The following DENND2B variants were observed in gnomAD, a reference collection of about 807,000 sequenced individuals.
DENND2B encodes the protein DENN domain-containing protein 2B.
In DENND2B, 32 loss-of-function variants were observed where a neutral mutation model predicts 116.0. That is an observed-to-expected ratio of 0.28 (90% CI 0.21 to 0.37). The LOEUF is 0.37. Among genes scored for constraint, DENND2B ranks in the 10% least tolerant of loss-of-function variants. The pLI, the probability that DENND2B is intolerant of heterozygous loss-of-function variation, is 1.00. For synonymous variants in DENND2B, 588 were observed against 583.9 expected (o/e 1.01, Z -0.10); for missense variants, 1,276 against 1,477.7 (o/e 0.86, Z 2.24).
At chr11:8,722,935 T>G (rs2046436174) in intron 4 of DENND2B, among the ~76,000 whole-genome samples, 2 of 152,158 alleles carry the variant, frequency 1.3e-5, no homozygotes, top group Admixed American at 1.3e-4. Context: ...TACCTCTACC[T>G]TCTGCCCACA....
At chr11:8,714,349 A>C (rs907339335) in intron 7 of DENND2B, among the ~76,000 whole-genome samples, 2 of 152,226 alleles carry the variant, frequency 1.3e-5, no homozygotes, top group Admixed American at 1.3e-4. Context: ...CAAGATTTGA[A>C]ATGGGAAACA....
chr11:8,818,960 T>C (rs2061670470), intron 4 of DENND2B, among the ~76,000 whole-genome samples: 2 of 152,158 alleles, frequency 1.3e-5, no homozygotes, highest in South Asian at 4.1e-4. Flanking sequence ...TTTTTTTAAG[T>C]TTTTAATACT....
At chr11:8,733,265 G>T (rs182252698) in intron 2 of DENND2B, among the ~76,000 whole-genome samples, 35 of 152,266 alleles carry the variant, frequency 2.3e-4, no homozygotes, top group Non-Finnish European at 4.4e-4. Flanking sequence ...GGAGGCCTTA[G>T]GTCTCTCTTA....
At chr11:8,859,111 T>C (rs1343913946) in intron 2 of DENND2B, among the ~76,000 whole-genome samples, 1 of 152,204 alleles carries the variant, frequency 6.6e-6, no homozygotes, top group African/African-American at 2.4e-5. Flanking sequence ...CTAAACCTTG[T>C]CTGGGGCTCC....
intron 3 of DENND2B, among the ~76,000 whole-genome samples, chr11:8,851,114 A>G (rs992874221): frequency 6.6e-6 from 1 of 152,192 alleles, no homozygotes; most frequent in Admixed American, 6.5e-5. Flanking sequence ...TCTACTGCAC[A>G]TCATGGCAAC....
intron 2 of DENND2B, among the ~76,000 whole-genome samples, chr11:8,745,777 A>G (rs532354807): frequency 6.6e-6 from 1 of 152,298 alleles, no homozygotes; most frequent in Non-Finnish European, 1.5e-5. Context: ...GCATGCTGCC[A>G]AGTGTGGAGG....
intron 2 of DENND2B, among the ~76,000 whole-genome samples, chr11:8,877,772 C>CA (rs1288965939): frequency 1.3e-5 from 2 of 152,038 alleles, no homozygotes; most frequent in African/African-American, 2.4e-5. Flanking sequence ...AGTTCCCCCC[C>CA]AAAAAAATCA....
chr11:8,735,027 A>C (rs1257645359), intron 2 of DENND2B, among the ~76,000 whole-genome samples: 1 of 151,778 alleles, frequency 6.6e-6, no homozygotes, highest in Non-Finnish European at 1.5e-5. Context: ...GGCGGGGAGT[A>C]AATCAAATAT....
intron 17 of DENND2B, 128 bp from the exon 18 acceptor site, chr11:8,696,794 T>G (rs1320633407): frequency 2.1e-6 from 3 of 1,413,912 alleles, no homozygotes; most frequent in African/African-American, 2.9e-5. Context: ...TTCTGGAAGC[T>G]CTTTTTGAGA....
intron 2 of DENND2B, among the ~76,000 whole-genome samples, chr11:8,864,900 T>C (rs2653618): frequency 0.21 from 31,853 of 152,042 alleles, 3,808 homozygotes; most frequent in Middle Eastern, 0.36. Flanking sequence ...TTCAAACTTG[T>C]CCTTGGCTAA....
chr11:8,827,647 G>T (rs887735679), intron 4 of DENND2B, among the ~76,000 whole-genome samples: 2 of 152,210 alleles, frequency 1.3e-5, no homozygotes, highest in African/African-American at 4.8e-5. Context: ...CCAGAGAGAT[G>T]CGAGAGTTGT....
At chr11:8,736,497 G>A (rs771095095) in intron 2 of DENND2B, among the ~76,000 whole-genome samples, 3 of 152,158 alleles carry the variant, frequency 2.0e-5, no homozygotes, top group South Asian at 2.1e-4. Flanking sequence ...TCTGTGAGAC[G>A]GTTTGGGGGC....
Position 8,702,567 on chromosome 11 carries a change from C to T in DENND2B, c.2720+5G>A, listed in dbSNP as rs2041905654. The T allele has an allele frequency of 6.2e-7, 1 of 1,611,362 alleles. No individual in the cohort carries two copies. Among genetic ancestry groups the T allele is most frequent in the Admixed American group, 1.7e-5 (1 of 60,010 alleles). Reference sequence around the variant, plus strand: ...CTTCTGCTTTCTTGCCCGGCTGGGCCCTACCTGAGCTTATCTGCCACAAAA... The same window carrying T: ...CTTCTGCTTTCTTGCCCGGCTGGGCTCTACCTGAGCTTATCTGCCACAAAA... On this transcript the variant is annotated splice_donor_5th_base_variant and intron_variant, in intron 14 of 19. Coordinates refer to ENST00000313726, the MANE Select transcript of DENND2B (RefSeq NM_213618.2). This position sits in a 1 kb window ranked among gnomAD's most constrained non-coding sequence, Gnocchi z 4.6.
chr11:8,717,687 C>A (rs1438824282), intron 5 of DENND2B, 54 bp downstream of exon 5: 18 of 1,479,714 alleles, frequency 1.2e-5, no homozygotes, highest in South Asian at 4.5e-5. Flanking sequence ...GAAGAGCAGG[C>A]CCCCACTGTG....
At chr11:8,696,088 C>A in intron 18 of DENND2B, 1 of 301,178 alleles carries the variant, frequency 3.3e-6, no homozygotes, top group Non-Finnish European at 6.2e-6. Flanking sequence ...ACTGGGTTCT[C>A]AGAACCCCCG....
intron 1 of DENND2B, among the ~76,000 whole-genome samples, chr11:8,800,367 C>T (rs757670472): frequency 1.3e-5 from 2 of 152,162 alleles, no homozygotes; most frequent in Non-Finnish European, 2.9e-5. Context: ...CTTACCTCCA[C>T]TAAGGAGTAC....
intron 3 of DENND2B, among the ~76,000 whole-genome samples, chr11:8,842,287 G>A (rs976206003): frequency 3.3e-5 from 5 of 152,182 alleles, no homozygotes; most frequent in Non-Finnish European, 4.4e-5. Flanking sequence ...AGGAATCAAA[G>A]TCGTGCAGTG....
At position 8,702,762 on chromosome 11, in the gene DENND2B, T is replaced by A. The variant is rs548150996; in HGVS notation, c.2572-42A>T. 2 of 1,602,320 alleles carry A rather than the reference T, an allele frequency of 1.2e-6. No individual in the cohort carries two copies. The highest frequency in any genetic ancestry group is 4.5e-5 in the East Asian group (2 of 44,700). On this transcript the variant is annotated intron_variant, in intron 13 of 19. Transcript: ENST00000313726. The surrounding 1 kb of genome is among the most constrained non-coding windows in gnomAD (Gnocchi z 4.6). ...GGAAAGTGGGCCGGGGCCAGCCAAG[T>A]GGGTGCTGCCCTCTGGCCCTCCACG... is the stretch of plus-strand genomic sequence containing the variant.
intron 14 of DENND2B, among the ~76,000 whole-genome samples, chr11:8,701,369 A>G (rs6483741): frequency 0.57 from 55,497 of 97,272 alleles, 18,201 homozygotes; most frequent in African/African-American, 0.61. Context: ...GAGGGGCTAC[A>G]TGAATGACAT....
Sources: allele counts gnomAD v4.1 joint callset (sites outside exome capture counted in the v4.1 genomes callset), GRCh38; gene constraint gnomAD v4.1.1; non-coding constraint Gnocchi (gnomAD v3.1); transcripts MANE v1.5; gene names NCBI Gene and HGNC (gene_info 2026-07-23, HGNC 2026-07-21).